The following ARMH3 variants were observed in gnomAD, a reference collection of about 807,000 sequenced individuals.
The protein encoded by ARMH3 is armadillo like helical domain containing 3.
Under a neutral mutation model 99.1 loss-of-function variants are expected in ARMH3, and 60 were observed. The observed-to-expected ratio is 0.61, with a 90% CI of 0.49 to 0.75. The LOEUF (loss-of-function observed/expected upper bound fraction) is 0.75. Among genes scored for constraint, ARMH3 ranks in the 30% least tolerant of loss-of-function variants. ARMH3 has a pLI of 0.00. For synonymous variants in ARMH3, 285 were observed against 292.8 expected, an observed-to-expected ratio of 0.97 and a Z score of 0.27; for missense variants, 679 against 843.1, an observed-to-expected ratio of 0.81 and a Z score of 2.41.
chr10:101,978,464 A>G (rs1023697476), intron 19 of ARMH3, among the ~76,000 whole-genome samples: 3 of 152,224 alleles, frequency 2.0e-5, no homozygotes. Flanking sequence ...CAGAGCTACC[A>G]CATAACCCAG....
intron 1 of ARMH3, among the ~76,000 whole-genome samples, chr10:102,050,824 T>G (rs1031347706): frequency 2.2e-5 from 3 of 134,698 alleles, no homozygotes; most frequent in African/African-American, 8.6e-5. Flanking sequence ...GCCACTGCAC[T>G]CCAGCCTGGG....
At chr10:102,029,490 T>C in intron 5 of ARMH3, 148 bp downstream of exon 5, 1 of 1,561,350 alleles carries the variant, frequency 6.4e-7, no homozygotes, top group Admixed American at 1.9e-5. Context: ...AGCAAATCTG[T>C]GAAATAAAAA....
At chr10:101,892,167 G>A (rs1460154762) in intron 23 of ARMH3, among the ~76,000 whole-genome samples, 1 of 150,862 alleles carries the variant, frequency 6.6e-6, no homozygotes, top group East Asian at 2.0e-4. Flanking sequence ...TGCGTGGGCT[G>A]GGTGCAGTGG....
intron 12 of ARMH3, 152 bp downstream of exon 12, chr10:102,009,825 A>G (rs1345805000): frequency 3.9e-6 from 3 of 768,168 alleles, no homozygotes; most frequent in Admixed American, 3.1e-5. Flanking sequence ...CTAAGGGTCC[A>G]TTAATGTTCA....
chr10:101,900,833 T>A (rs557850462), intron 23 of ARMH3, among the ~76,000 whole-genome samples: 27 of 152,078 alleles, frequency 1.8e-4, no homozygotes, highest in Middle Eastern at 3.4e-3. Flanking sequence ...AAATTTTTTT[T>A]AAATTAGCCA....
intron 1 of ARMH3, among the ~76,000 whole-genome samples, chr10:102,053,636 C>T (rs959497482): frequency 6.6e-6 from 1 of 152,024 alleles, no homozygotes; most frequent in Non-Finnish European, 1.5e-5. Flanking sequence ...CAAGCAATGG[C>T]AGTATTCCCA....
rs770242077 is a variant in ARMH3, at chr10:102,033,144, A to G, written c.188T>C (p.Leu63Pro). Residue 63 changes from leucine (L) to proline (P), a missense_variant, in exon 4 of 26, where the codon CTG becomes CCG. Transcript: ENST00000370033. ...TAACTCCTCACCATCAAGAGATTCC[A>G]GCTTGCCTTCTAGGTACTCTAAATT... ...KVNLEYLEGK[L>P]ESLDGEELMK... 1.3e-5 allele frequency: 21 copies of G among 1,614,224 alleles called. No homozygotes were observed. The highest frequency in any genetic ancestry group is 1.7e-5 in the Non-Finnish European group (20 of 1,180,042).
chr10:102,029,552 C>G, intron 5 of ARMH3, 86 bp downstream of exon 5: 1 of 1,613,424 alleles, frequency 6.2e-7, no homozygotes. Context: ...GAGTCCAAAT[C>G]TTTGAGTACA....
At chr10:101,864,072 A>ACACAC (rs1356328511) in intron 24 of ARMH3, among the ~76,000 whole-genome samples, 124 of 134,626 alleles carry the variant, frequency 9.2e-4, no homozygotes, top group Non-Finnish European at 1.4e-3. Context: ...AAAAAAAAAA[A>ACACAC]AAAAAAACAC....
rs558044502 is a variant in ARMH3 at position 102,037,336 on chromosome 10, A to C, written c.102+2677T>G. Among the ~76,000 whole-genome samples, 9 of 151,790 alleles carry C rather than the reference A, an allele frequency of 5.9e-5. No homozygotes were observed. The South Asian group carries it at 1.9e-3, about 32-fold the overall frequency. ...ATAGCTGGGATTATAAGCATGCACC[A>C]CCACGCCCAGTTAATTTTTGCATTT... is the stretch of plus-strand genomic sequence containing the variant. On this transcript the variant is annotated intron_variant, in intron 2 of 25. Coordinates refer to ENST00000370033, the MANE Select transcript of ARMH3 (RefSeq NM_024541.3).
intron 19 of ARMH3, among the ~76,000 whole-genome samples, chr10:101,987,184 T>A (rs539678057): frequency 6.6e-6 from 1 of 152,228 alleles, no homozygotes; most frequent in Non-Finnish European, 1.5e-5. Flanking sequence ...CAAGCTTTTT[T>A]TCTACTCTCT....
intron 24 of ARMH3, among the ~76,000 whole-genome samples, chr10:101,870,134 A>G (rs1019048015): frequency 6.6e-6 from 1 of 152,252 alleles, no homozygotes; most frequent in African/African-American, 2.4e-5. Context: ...GCTGATAAGC[A>G]ACAGAAGAGA....
chr10:101,858,392 T>C (rs901137717), intron 24 of ARMH3, among the ~76,000 whole-genome samples: 1 of 152,226 alleles, frequency 6.6e-6, no homozygotes, highest in Non-Finnish European at 1.5e-5. Context: ...AACTTCATCA[T>C]ATATAGCTGG....
chr10:101,942,967 G>T (rs1244687420), intron 22 of ARMH3, among the ~76,000 whole-genome samples: 1 of 152,070 alleles, frequency 6.6e-6, no homozygotes, highest in African/African-American at 2.4e-5. Context: ...ATGAAACAAT[G>T]GTTGTCAGAC....
At position 101,915,078 on chromosome 10, in the gene ARMH3, A is replaced by C. The variant is rs1427864659; in HGVS notation, c.1781+24785T>G. Among the ~76,000 whole-genome samples, 6 of 152,216 alleles carry C rather than the reference A, an allele frequency of 3.9e-5. No individual in the cohort carries two copies. The East Asian group carries it at 1.2e-3, about 29-fold the overall frequency. On this transcript the variant is annotated intron_variant, in intron 23 of 25. Transcript: ENST00000370033. ...TGAGAGTCTCATTTCTGTTTAGTTT[A>C]GTTCAACTCTAACCAAAATGATTCA...
intron 23 of ARMH3, among the ~76,000 whole-genome samples, chr10:101,935,933 G>A (rs1843950509): frequency 6.6e-6 from 1 of 152,184 alleles, no homozygotes; most frequent in South Asian, 2.1e-4. Context: ...TTCTGACACA[G>A]GTTGTTTTCT....
intron 23 of ARMH3, among the ~76,000 whole-genome samples, chr10:101,892,822 T>C (rs2067725987): frequency 6.6e-6 from 1 of 152,196 alleles, no homozygotes; most frequent in Admixed American, 6.5e-5. Context: ...GGTACACAGC[T>C]TGTGCTCAAT....
intron 23 of ARMH3, among the ~76,000 whole-genome samples, chr10:101,921,445 T>C (rs1433975527): frequency 2.6e-5 from 4 of 152,158 alleles, no homozygotes; most frequent in South Asian, 2.1e-4. Context: ...ATAGGTGGTA[T>C]ACATATATAA....
At chr10:102,010,944 T>C (rs576140890) in intron 11 of ARMH3, among the ~76,000 whole-genome samples, 2 of 152,282 alleles carry the variant, frequency 1.3e-5, no homozygotes, top group South Asian at 4.1e-4. Context: ...GAAAAAGAAT[T>C]GCAGAAGTGG....
Sources: gnomAD v4.1 joint callset for allele counts (sites outside exome capture counted in the v4.1 genomes callset) on GRCh38, gnomAD v4.1.1 for gene constraint, MANE v1.5 for transcripts, NCBI Gene and HGNC (gene_info 2026-07-23, HGNC 2026-07-21) for gene names.